Variants in PCGF5 observed in about 807,000 individuals in gnomAD.
The protein encoded by PCGF5 is polycomb group ring finger 5.
PCGF5 carries 9 observed loss-of-function variants against 44.3 expected under a neutral mutation model. That is an observed-to-expected ratio of 0.20 (90% confidence interval 0.12 to 0.35). The LOEUF (loss-of-function observed/expected upper bound fraction) is 0.35. Among genes scored for constraint, PCGF5 ranks in the 10% least tolerant of loss-of-function variants. The pLI is 1.00. For synonymous variants in PCGF5, 95 were observed against 102.5 expected (o/e 0.93, Z 0.44); for missense variants, 146 against 305.3 (o/e 0.48, Z 3.89).
intron 1 of PCGF5, among the ~76,000 whole-genome samples, chr10:91,196,299 T>C (rs1844132762): frequency 6.6e-6 from 1 of 152,196 alleles, no homozygotes; most frequent in Non-Finnish European, 1.5e-5. Context: ...TCCTAAAATT[T>C]TGGCCAATAA....
upstream of PCGF5, among the ~76,000 whole-genome samples, chr10:91,159,451 C>T (rs2133144089): frequency 6.6e-6 from 1 of 152,196 alleles, no homozygotes; most frequent in South Asian, 2.1e-4. Context: ...TGACTGCCCT[C>T]ATAAAAGGAA....
At chr10:91,275,778 T>C (rs1268726695) in intron 9 of PCGF5, among the ~76,000 whole-genome samples, 1 of 152,146 alleles carries the variant, frequency 6.6e-6, no homozygotes, top group Non-Finnish European at 1.5e-5. Context: ...AAGACCAGTG[T>C]AAAAGTGTTT....
the PCGF5 span, among the ~76,000 whole-genome samples, chr10:91,157,740 T>C: frequency 1.3e-5 from 2 of 152,194 alleles, no homozygotes; most frequent in African/African-American, 4.8e-5. Flanking sequence ...AATTCACTTT[T>C]AGCTGTGTTT....
chr10:91,198,349 C>A (rs1437990601), intron 1 of PCGF5, among the ~76,000 whole-genome samples: 1 of 152,216 alleles, frequency 6.6e-6, no homozygotes, highest in African/African-American at 2.4e-5. Flanking sequence ...ACTTTCCTTT[C>A]TCTCTGTGTA....
chr10:91,186,558 A>ATGTG (rs1006513887), intron 1 of PCGF5, among the ~76,000 whole-genome samples: 13 of 97,326 alleles, frequency 1.3e-4, no homozygotes, highest in South Asian at 3.9e-4. Flanking sequence ...ATATATATAT[A>ATGTG]TGTGTGTGTG....
At chr10:91,161,821 C>T (rs148070647), upstream of PCGF5, among the ~76,000 whole-genome samples, 612 of 152,296 alleles carry the variant, frequency 4.0e-3, 5 homozygotes, top group Middle Eastern at 0.061. Flanking sequence ...TGCAGACACT[C>T]GGAGGCAATA....
intron 1 of PCGF5, among the ~76,000 whole-genome samples, chr10:91,168,933 A>G (rs1168763371): frequency 8.0e-6 from 1 of 125,060 alleles, no homozygotes; most frequent in Non-Finnish European, 1.6e-5. Flanking sequence ...GTCTCAGAAA[A>G]AAAAAAAAAA....
chr10:91,270,630 A>C (rs1846156444), intron 8 of PCGF5, among the ~76,000 whole-genome samples: 1 of 152,196 alleles, frequency 6.6e-6, no homozygotes, highest in South Asian at 2.1e-4. Flanking sequence ...GAAAATAGAA[A>C]ATTCCTTAAA....
At chr10:91,242,477 G>T (rs1845354404) in intron 3 of PCGF5, among the ~76,000 whole-genome samples, 1 of 151,696 alleles carries the variant, frequency 6.6e-6, no homozygotes, top group Non-Finnish European at 1.5e-5. Context: ...GTTCTTAAAG[G>T]GCCACATCAT....
At chr10:91,173,858 T>C (rs915165816) in intron 1 of PCGF5, among the ~76,000 whole-genome samples, 3 of 152,028 alleles carry the variant, frequency 2.0e-5, no homozygotes, top group African/African-American at 4.8e-5. Flanking sequence ...AAAATTGTGA[T>C]ACTCATATGT....
At chr10:91,190,698 C>T (rs751476584) in intron 1 of PCGF5, among the ~76,000 whole-genome samples, 54 of 152,120 alleles carry the variant, frequency 3.5e-4, no homozygotes, top group Non-Finnish European at 6.9e-4. Flanking sequence ...CCCCTTAATG[C>T]TAAGTGCTCA....
chr10:91,236,131 G>T (rs1358562224), intron 2 of PCGF5, among the ~76,000 whole-genome samples: 1 of 152,174 alleles, frequency 6.6e-6, no homozygotes, highest in South Asian at 2.1e-4. Context: ...TTTTGATTTT[G>T]ATGCCAGGGA....
At chr10:91,235,932 G>A (rs1024555029) in intron 2 of PCGF5, among the ~76,000 whole-genome samples, 1 of 152,104 alleles carries the variant, frequency 6.6e-6, no homozygotes, top group Admixed American at 6.6e-5. Flanking sequence ...CGTGAAAACA[G>A]ACTAATACAG....
chr10:91,172,351 G>A (rs544119284), intron 1 of PCGF5, among the ~76,000 whole-genome samples: 10 of 152,142 alleles, frequency 6.6e-5, no homozygotes, highest in Non-Finnish European at 1.0e-4. Context: ...CCCAGGAGGC[G>A]GAGGTTGTAG....
intron 1 of PCGF5, among the ~76,000 whole-genome samples, chr10:91,214,309 TAA>T (rs71025346): frequency 2.9e-5 from 4 of 139,098 alleles, no homozygotes; most frequent in Admixed American, 7.1e-5. Context: ...AAATATATGT[TAA>T]AAAAAAAAAA....
At chr10:91,225,271 GATATATATC>G (rs1844795804) in intron 2 of PCGF5, among the ~76,000 whole-genome samples, 2 of 144,580 alleles carry the variant, frequency 1.4e-5, no homozygotes, top group African/African-American at 5.1e-5. Context: ...ATGTATATAC[GATATATATC>G]ATATATAACA....
intron 2 of PCGF5, among the ~76,000 whole-genome samples, chr10:91,238,625 T>TCTTTC (rs1564645087): frequency 1.6e-5 from 2 of 123,384 alleles, no homozygotes; most frequent in African/African-American, 6.7e-5. Context: ...TTTTTTTTTT[T>TCTTTC]TTTTTTGCCT....
chr10:91,259,157 G>T (rs1845831093), intron 6 of PCGF5, among the ~76,000 whole-genome samples: 1 of 152,140 alleles, frequency 6.6e-6, no homozygotes, highest in Admixed American at 6.6e-5. Flanking sequence ...CTTAAAGAGT[G>T]AATTAGTACT....
chr10:91,217,190 C>T (rs759913957), upstream of PCGF5, among the ~76,000 whole-genome samples: 5 of 152,018 alleles, frequency 3.3e-5, no homozygotes, highest in Non-Finnish European at 5.9e-5. Flanking sequence ...CCTGCCACCA[C>T]GCCCTGCTAA....
Sources: gnomAD v4.1 joint callset for allele counts (sites outside exome capture counted in the v4.1 genomes callset) on GRCh38, gnomAD v4.1.1 for gene constraint, MANE v1.5 for transcripts, NCBI Gene and HGNC (gene_info 2026-07-23, HGNC 2026-07-21) for gene names.